Variants in ZFYVE9 observed in about 807,000 individuals in gnomAD.
ZFYVE9 encodes zinc finger FYVE domain-containing protein 9.
A neutral mutation model predicts 126.7 loss-of-function variants in ZFYVE9; 43 were observed. The observed-to-expected ratio is 0.34, with a 90% confidence interval of 0.27 to 0.44. The LOEUF (loss-of-function observed/expected upper bound fraction) is 0.44. Ranked by LOEUF, ZFYVE9 falls within the 20% of genes least tolerant of loss-of-function variation. The pLI is 1.00. For synonymous variants in ZFYVE9, 521 were observed against 597.4 expected (o/e 0.87, Z 1.87); for missense variants, 1,476 against 1,697.0 (o/e 0.87, Z 2.29).
Position 52,263,765 on chromosome 1 carries a change from CCCCA to C in ZFYVE9, c.2179-6_2179-3del. The C allele has an allele frequency of 8.6e-7, 1 of 1,157,396 alleles. No individual in the cohort carries two copies. The highest frequency in any genetic ancestry group is 1.2e-6 in the Non-Finnish European group (1 of 828,616). 71.7% of individuals were successfully genotyped at this position (1,157,396 alleles called of 1,614,324 possible). On this transcript the variant is annotated splice_polypyrimidine_tract_variant and splice_region_variant and intron_variant, in intron 4 of 18. Transcript: ENST00000287727. ...TTTTGTGTGTTCTTCCCCCCCCCCCCCCCACAGGTTTTCTGTGCTTCCTGCTGTA... is the reference window on the plus strand; with the variant it reads ...TTTTGTGTGTTCTTCCCCCCCCCCCCCAGGTTTTCTGTGCTTCCTGCTGTA...
chr1:52,276,515 C>A (rs1645749896), intron 8 of ZFYVE9, among the ~76,000 whole-genome samples: 1 of 152,180 alleles, frequency 6.6e-6, no homozygotes, highest in Non-Finnish European at 1.5e-5. Flanking sequence ...AATTATATAA[C>A]TACACCTACT....
chr1:52,202,712 G>A (rs1644935465), intron 1 of ZFYVE9, among the ~76,000 whole-genome samples: 1 of 151,728 alleles, frequency 6.6e-6, no homozygotes, highest in South Asian at 2.1e-4. Context: ...TTGAGATGAA[G>A]TCTTACTCTG....
chr1:52,271,234 C>T (rs1569638238), intron 7 of ZFYVE9, among the ~76,000 whole-genome samples: 1 of 152,134 alleles, frequency 6.6e-6, no homozygotes, highest in East Asian at 1.9e-4. Flanking sequence ...ATTTTCTGCT[C>T]ATTATAAGAC....
At position 52,301,830 on chromosome 1, in the gene ZFYVE9, C is replaced by G. The variant is rs1312504748; in HGVS notation, c.3334-1991C>G. Among the ~76,000 whole-genome samples the G allele has an allele frequency of 2.6e-5, 4 of 152,094 alleles. No individual in the cohort carries two copies. In the South Asian group the frequency reaches 8.3e-4, roughly 32 times the overall value. On this transcript the variant is annotated intron_variant, in intron 12 of 18. Coordinates refer to ENST00000287727, the MANE Select transcript of ZFYVE9 (RefSeq NM_004799.4). The stretch of plus-strand genomic sequence containing the variant: ...CAGGCTGCTTGAAATTGTTTCACGT[C>G]TTACTAATGTTCTTTTTATTTCTTT...
In ZFYVE9 at chr1:52,266,405, T is replaced by TAA. The variant is rs33996604; in HGVS notation, c.2279-222_2279-221dup. Among the ~76,000 whole-genome samples the TAA allele has an allele frequency of 2.6e-3, 226 of 85,628 alleles. 3 individuals carry two copies. The highest frequency in any genetic ancestry group is 5.0e-3 in the African/African-American group (105 of 20,870). 56.2% of individuals were successfully genotyped at this position (85,628 alleles called of 152,430 possible). A position where few individuals can be genotyped will look rare whatever the true frequency, so the allele number is the denominator to read the frequency against. The stretch of plus-strand genomic sequence containing the variant: ...AGCCACCACTCCCGGTCTAATTCTT[T>TAA]AAAAAAAAAAAAAAAAAAAAAAAAA... On this transcript the variant is annotated intron_variant, in intron 5 of 18. Coordinates refer to ENST00000287727, the MANE Select transcript of ZFYVE9 (RefSeq NM_004799.4).
intron 17 of ZFYVE9, among the ~76,000 whole-genome samples, chr1:52,341,425 T>A (rs1245064454): frequency 2.6e-5 from 4 of 152,204 alleles, no homozygotes; most frequent in African/African-American, 9.7e-5. Context: ...TGACCCTTTT[T>A]TGTATGTACA....
At chr1:52,274,308 T>G (rs1645723567) in intron 7 of ZFYVE9, among the ~76,000 whole-genome samples, 156 bp from the exon 8 acceptor site, 1 of 152,056 alleles carries the variant, frequency 6.6e-6, no homozygotes, top group Non-Finnish European at 1.5e-5. Context: ...TGTTTTTTTG[T>G]TTTTTTTAAT....
At chr1:52,300,242 A>T (rs1294047280) in intron 12 of ZFYVE9, among the ~76,000 whole-genome samples, 1 of 152,184 alleles carries the variant, frequency 6.6e-6, no homozygotes, top group Non-Finnish European at 1.5e-5. Flanking sequence ...CAAGAGCCAG[A>T]CAACTCCAGT....
chr1:52,343,988 C>T (rs1335806982), intron 17 of ZFYVE9, among the ~76,000 whole-genome samples: 1 of 151,704 alleles, frequency 6.6e-6, no homozygotes, highest in East Asian at 1.9e-4. Flanking sequence ...AGGAGAATCA[C>T]TTGAACCTAA....
At position 52,346,357 on chromosome 1, in the gene ZFYVE9, G is replaced by GGT; in HGVS notation, c.*136_*137insGT. 4 of 457,388 alleles carry GGT rather than the reference G, an allele frequency of 8.7e-6. No individual in the cohort carries two copies. The highest frequency in any genetic ancestry group is 1.5e-5 in the Non-Finnish European group (4 of 274,668). 28.3% of individuals were successfully genotyped at this position (457,388 alleles called of 1,614,324 possible). ...GGTGGGGAATAGGGTGGGAGTGGGG[G>GGT]TTTGGGAGACGGGTGGGAAAGGGTG... On this transcript the variant is annotated 3_prime_UTR_variant, in exon 19 of 19. Coordinates refer to ENST00000287727, the MANE Select transcript of ZFYVE9 (RefSeq NM_004799.4).
intron 1 of ZFYVE9, among the ~76,000 whole-genome samples, chr1:52,166,793 C>T (rs540060061): frequency 6.6e-6 from 1 of 152,184 alleles, no homozygotes; most frequent in African/African-American, 2.4e-5. Context: ...GTAGTCCCAG[C>T]TGGAGGCTGA....
At chr1:52,344,459 T>C (rs2147880447) in intron 17 of ZFYVE9, among the ~76,000 whole-genome samples, 1 of 152,346 alleles carries the variant, frequency 6.6e-6, no homozygotes, top group East Asian at 1.9e-4. Flanking sequence ...TTTAGTGGCA[T>C]ACAATGCAAA....
At chr1:52,217,384 TTTGAAGAGGAAC>T (rs1228270135) in intron 2 of ZFYVE9, among the ~76,000 whole-genome samples, 1 of 152,242 alleles carries the variant, frequency 6.6e-6, no homozygotes, top group Non-Finnish European at 1.5e-5. Context: ...AAGTTGAGTC[TTTGAAGAGGAAC>T]TCAAGTCGTC....
chr1:52,194,436 A>G (rs1255786653), intron 1 of ZFYVE9, among the ~76,000 whole-genome samples: 1 of 152,196 alleles, frequency 6.6e-6, no homozygotes, highest in Non-Finnish European at 1.5e-5. Context: ...TGATACATAT[A>G]AGGAATATTT....
intron 10 of ZFYVE9, among the ~76,000 whole-genome samples, chr1:52,286,685 C>T (rs1645864293): frequency 6.6e-6 from 1 of 152,168 alleles, no homozygotes; most frequent in Admixed American, 6.5e-5. Context: ...CTTGTATCTA[C>T]CAGATTGTTA....
intron 18 of ZFYVE9, among the ~76,000 whole-genome samples, chr1:52,345,215 T>TG (rs1646473005): frequency 6.6e-6 from 1 of 152,210 alleles, no homozygotes; most frequent in African/African-American, 2.4e-5. Context: ...GGGGAGCATG[T>TG]GGTAGGACCT....
At chr1:52,173,732 A>G (rs1229098565) in intron 1 of ZFYVE9, among the ~76,000 whole-genome samples, 18 of 152,002 alleles carry the variant, frequency 1.2e-4, no homozygotes, top group Non-Finnish European at 4.4e-5. Context: ...TAGTCTTGGG[A>G]GAGTGTATGT....
chr1:52,167,758 C>G lies in ZFYVE9; in HGVS notation c.-143+25355C>G, dbSNP rs369814214. On this transcript the variant is annotated intron_variant, in intron 1 of 18. Coordinates refer to ENST00000287727, the MANE Select transcript of ZFYVE9 (RefSeq NM_004799.4). ...TCTGCATATCCAAACAAAGTCACAGCAACAAGCAGATGAACTGAAGATAAC... is the reference window on the plus strand; with the variant it reads ...TCTGCATATCCAAACAAAGTCACAGGAACAAGCAGATGAACTGAAGATAAC... 5.3e-5 allele frequency among the ~76,000 whole-genome samples: 8 copies of G among 152,012 alleles called. No individual in the cohort carries two copies. The East Asian group carries it at 1.2e-3, about 22-fold the overall frequency.
rs56300233 is a variant in ZFYVE9, at chr1:52,148,947, ATTTTTTTTTTTTTTTTTTT to A, written c.-143+6561_-143+6579del. ...AGCCACTGTTCCCAGCCTTAACATG[ATTTTTTTTTTTTTTTTTTT>A]TTTTTTTTTTTTTTTTGAGATAGAC... On this transcript the variant is annotated intron_variant, in intron 1 of 18. Coordinates refer to ENST00000287727, the MANE Select transcript of ZFYVE9 (RefSeq NM_004799.4). 3.4e-3 allele frequency among the ~76,000 whole-genome samples: 118 copies of A among 34,272 alleles called. 1 individual carries two copies. The highest frequency in any genetic ancestry group is 5.6e-3 in the Admixed American group (10 of 1,772). The allele number at this position is 34,272 out of a possible 152,430, so 22.5% of individuals were successfully genotyped here.
Sources: gnomAD v4.1 joint callset for allele counts (sites outside exome capture counted in the v4.1 genomes callset) on GRCh38, gnomAD v4.1.1 for gene constraint, MANE v1.5 for transcripts, NCBI Gene and HGNC (gene_info 2026-07-23, HGNC 2026-07-21) for gene names.